Variants in MRPS16 observed in about 807,000 individuals in gnomAD.
The protein encoded by MRPS16 is small ribosomal subunit protein bS16m.
MRPS16 carries 5 observed loss-of-function variants against 11.0 expected under a neutral mutation model. The ratio of observed to expected loss-of-function variants is 0.46; its 90% CI spans 0.24 to 0.96. The LOEUF is 0.96. Among genes scored for constraint, MRPS16 ranks in the 40% least tolerant of loss-of-function variants. The probability of loss-of-function intolerance (pLI) is 0.20; values close to 1 mark genes in which losing one functional copy is unlikely to be tolerated. For missense variants in MRPS16, 179 were observed against 174.4 expected, an observed-to-expected ratio of 1.03 and a Z score of -0.15; for synonymous variants, 76 against 65.0, an observed-to-expected ratio of 1.17 and a Z score of -0.81.
At chr10:73,251,086 C>T (rs1192517889) in intron 2 of MRPS16, 95 bp from the exon 3 acceptor site, 1 of 1,444,438 alleles carries the variant, frequency 6.9e-7, no homozygotes, top group Admixed American at 1.7e-5. Flanking sequence ...GAGATCTGAC[C>T]CAGTGCATGG....
chr10:73,249,431 GA>G lies in MRPS16; in HGVS notation c.*1420del. 9.2e-7 allele frequency: 1 copy of G among 1,084,240 alleles called. No homozygotes were observed. Among genetic ancestry groups the G allele is most frequent in the Non-Finnish European group, 1.3e-6 (1 of 755,232 alleles). The allele number at this position is 1,084,240 out of a possible 1,614,324, so 67.2% of individuals were successfully genotyped here. On this transcript the variant is annotated 3_prime_UTR_variant, in exon 3 of 3. Coordinates refer to ENST00000372945, the MANE Select transcript of MRPS16 (RefSeq NM_016065.4). ...AGATTACTGGCATCAAGGTAGGAAG[GA>G]AAAGATACAAGAAGTAAAATGCAAC...
At position 73,251,948 on chromosome 10, in the gene MRPS16, G is replaced by A. The variant is rs781692834; in HGVS notation, c.89C>T (p.Pro30Leu). 3.7e-6 allele frequency: 6 copies of A among 1,614,058 alleles called. No homozygotes were observed. The highest frequency in any genetic ancestry group is 1.6e-4 in the Middle Eastern group (1 of 6,084). ...RLALGGCTNR[P>L]FYRIVAAHNK... ...GTGAGCAGCCACAATGCGGTAGAACGGCCGATTGGTGCAGCCACCCAGGGC... is the reference window on the plus strand; with the variant it reads ...GTGAGCAGCCACAATGCGGTAGAACAGCCGATTGGTGCAGCCACCCAGGGC... The change falls in exon 2 of 3, where the codon CCG (proline) becomes CTG (leucine). Residue 30 changes from proline to leucine, a missense_variant. Pro to Leu is a moderately conservative substitution (Grantham distance 98). Coordinates refer to ENST00000372945, the MANE Select transcript of MRPS16 (RefSeq NM_016065.4).
intron 1 of MRPS16, 167 bp downstream of exon 1, chr10:73,252,303 C>A (rs1170388099): frequency 8.5e-7 from 1 of 1,182,294 alleles, no homozygotes; most frequent in Non-Finnish European, 1.2e-6. Flanking sequence ...AATTTTTCAG[C>A]GGTGATTAAG....
In MRPS16 at chr10:73,249,424, T is replaced by A; in HGVS notation, c.*1428A>T. On this transcript the variant is annotated 3_prime_UTR_variant, in exon 3 of 3. Coordinates refer to ENST00000372945, the MANE Select transcript of MRPS16 (RefSeq NM_016065.4). ...CCCTTATAGATTACTGGCATCAAGG[T>A]AGGAAGGAAAAGATACAAGAAGTAA... The A allele has an allele frequency of 8.6e-7, 1 of 1,161,468 alleles. No homozygotes were observed. Among genetic ancestry groups the A allele is most frequent in the Non-Finnish European group, 1.2e-6 (1 of 821,168 alleles). The allele number at this position is 1,161,468 out of a possible 1,614,324, so 71.9% of individuals were successfully genotyped here.
intron 1 of MRPS16, 98 bp downstream of exon 1, chr10:73,252,372 G>C: frequency 6.5e-7 from 1 of 1,543,004 alleles, no homozygotes; most frequent in Non-Finnish European, 8.8e-7. Context: ...TCAGGTTCGG[G>C]TTGCCTCCAT....
At chr10:73,252,101 T>C in intron 1 of MRPS16, 78 bp from the exon 2 acceptor site, 1 of 1,542,598 alleles carries the variant, frequency 6.5e-7, no homozygotes, top group Non-Finnish European at 8.8e-7. Flanking sequence ...AATTCCCTTT[T>C]CCCACTGAAA....
chr10:73,251,116 C>T, intron 2 of MRPS16, 125 bp from the exon 3 acceptor site: 7 of 1,114,518 alleles, frequency 6.3e-6, no homozygotes, highest in Non-Finnish European at 9.3e-6. Flanking sequence ...ATGCTCCTCA[C>T]TTGCCAAACT....
In MRPS16 at chr10:73,249,401, C is replaced by T; in HGVS notation, c.*1451G>A. 9 of 1,321,742 alleles carry T rather than the reference C, an allele frequency of 6.8e-6. No homozygotes were observed. Among genetic ancestry groups the T allele is most frequent in the South Asian group, 1.3e-5 (1 of 75,020 alleles). The allele number at this position is 1,321,742 out of a possible 1,614,324, so 81.9% of individuals were successfully genotyped here. On this transcript the variant is annotated 3_prime_UTR_variant, in exon 3 of 3. Transcript: ENST00000372945. ...AAATACATTCAAACTATAAAGATCC[C>T]TTATAGATTACTGGCATCAAGGTAG...
rs916499884 is a variant in MRPS16, at chr10:73,252,625, C to T, written c.-143G>A. Reference sequence around the variant, plus strand: ...CCGCCAAGCGGTACAAGCCCGAAAACCTCGACTCCGGAAGCGGATGATCCG... The same window carrying T: ...CCGCCAAGCGGTACAAGCCCGAAAATCTCGACTCCGGAAGCGGATGATCCG... On this transcript the variant is annotated 5_prime_UTR_variant, in exon 1 of 3. Coordinates refer to ENST00000372945, the MANE Select transcript of MRPS16 (RefSeq NM_016065.4). 12 of 1,225,552 alleles carry T rather than the reference C, an allele frequency of 9.8e-6. No individual in the cohort carries two copies. The East Asian group carries it at 2.8e-4, about 29-fold the overall frequency. The allele number at this position is 1,225,552 out of a possible 1,614,324, so 75.9% of individuals were successfully genotyped here. A position where few individuals can be genotyped will look rare whatever the true frequency, so the allele number is the denominator to read the frequency against.
At chr10:73,252,439 C>A (rs984778749) in intron 1 of MRPS16, 31 bp downstream of exon 1, 7 of 1,609,094 alleles carry the variant, frequency 4.4e-6, no homozygotes, top group Non-Finnish European at 5.1e-6. Context: ...CGTGACCGCC[C>A]GGAACGTCTC....
rs104894168 is a variant in MRPS16, at chr10:73,250,935, G to C, written c.331C>G (p.Arg111Gly). The C allele has an allele frequency of 6.2e-7, 1 of 1,614,084 alleles. No homozygotes were observed. Among genetic ancestry groups the C allele is most frequent in the Non-Finnish European group, 8.5e-7 (1 of 1,180,004 alleles). ...PMMITNAERL[R>G]RKRAREVLLA... Reference sequence around the variant, plus strand: ...AGGACTTCACGTGCCCGTTTCCTTCGCAGTCTCTCAGCATTTGTGATCATC... The same window carrying C: ...AGGACTTCACGTGCCCGTTTCCTTCCCAGTCTCTCAGCATTTGTGATCATC... The change falls in exon 3 of 3, where the codon CGA (arginine) becomes GGA (glycine). Residue 111 changes from arginine (R) to glycine (G), a missense_variant. By Grantham distance (125) the Arg-to-Gly change is moderately radical. Transcript: ENST00000372945.
chr10:73,251,066 A>C, intron 2 of MRPS16, 75 bp from the exon 3 acceptor site: 4 of 1,560,208 alleles, frequency 2.6e-6, no homozygotes, highest in South Asian at 1.1e-5. Flanking sequence ...GTCTCACAGA[A>C]CTGAGGTCTG....
rs1293618271 is a variant in MRPS16, at chr10:73,251,800, G to A, written c.237C>T (p.Cys79=). 9.9e-6 allele frequency: 16 copies of A among 1,614,052 alleles called. No individual in the cohort carries two copies. The highest frequency in any genetic ancestry group is 1.3e-5 in the Non-Finnish European group (15 of 1,180,038). The change falls in exon 2 of 3, where the codon TGC becomes TGT. Residue 79 remains cysteine (C), a synonymous_variant. Transcript: ENST00000372945. ...NLDRIRHWIG[C]GAHLSKPMEK... is the part of the protein sequence containing the mutation. ...CCATAGGCTTAGAGAGGTGGGCCCCGCAGCCAATCCAATGACGGATCCTGT... is the reference window on the plus strand; with the variant it reads ...CCATAGGCTTAGAGAGGTGGGCCCCACAGCCAATCCAATGACGGATCCTGT...
Position 73,249,556 on chromosome 10 carries a change from T to C in MRPS16, c.*1296A>G, listed in dbSNP as rs986764191. On this transcript the variant is annotated 3_prime_UTR_variant, in exon 3 of 3. Coordinates refer to ENST00000372945, the MANE Select transcript of MRPS16 (RefSeq NM_016065.4). ...TAAAATTACCAGCAAGAAAGAAAAG[T>C]ACAAGAATAAGGTTCACAGCTGAAT... 116 of 506,584 alleles carry C rather than the reference T, an allele frequency of 2.3e-4. No individual in the cohort carries two copies. Among genetic ancestry groups the C allele is most frequent in the Non-Finnish European group, 4.6e-5 (13 of 283,612 alleles). The allele number at this position is 506,584 out of a possible 1,614,324, so 31.4% of individuals were successfully genotyped here. A position where few individuals can be genotyped will look rare whatever the true frequency, so the allele number is the denominator to read the frequency against.
Position 73,250,876 on chromosome 10 carries a change from T to C in MRPS16, c.390A>G (p.Thr130=). ...LASQKTDAEA[T]DTEATET is the part of the protein sequence containing the mutation. The stretch of plus-strand genomic sequence containing the variant: ...TTTATGTTTCTGTAGCCTCTGTATC[T>C]GTAGCTTCTGCATCTGTTTTCTGAG... Residue 130 remains threonine (T), a synonymous_variant, in exon 3 of 3, where the codon ACA becomes ACG. Transcript: ENST00000372945. 2 of 1,614,194 alleles carry C rather than the reference T, an allele frequency of 1.2e-6. No individual in the cohort carries two copies. The highest frequency in any genetic ancestry group is 2.2e-5 in the South Asian group (2 of 91,084).
intron 1 of MRPS16, 109 bp downstream of exon 1, chr10:73,252,361 T>G: frequency 1.3e-6 from 2 of 1,482,988 alleles, no homozygotes; most frequent in South Asian, 2.3e-5. Context: ...GTGTGGCTGC[T>G]TCAGGTTCGG....
rs562399339 is a variant in MRPS16 at position 73,251,671 on chromosome 10, G to A, written c.274+92C>T. On this transcript the variant is annotated intron_variant, in intron 2 of 2. Transcript: ENST00000372945. ...GCTGAGATTACAGGCGTGAGCCACC[G>A]TGCCCAGCCGAAAATCATTCTTACA... The A allele has an allele frequency of 3.5e-4, 555 of 1,572,688 alleles. 1 individual carries two copies. The highest frequency in any genetic ancestry group is 4.6e-4 in the Non-Finnish European group (532 of 1,149,146).
rs1266613233 is a variant in MRPS16, at chr10:73,250,828, C to T, written c.*24G>A. On this transcript the variant is annotated 3_prime_UTR_variant, in exon 3 of 3. Coordinates refer to ENST00000372945, the MANE Select transcript of MRPS16 (RefSeq NM_016065.4). ...AAGGACCTTGACCTTGTTCCCACTG[C>T]TATGCTCACTAAAGTCAGCTCATTT... 6.2e-7 allele frequency: 1 copy of T among 1,612,544 alleles called. No homozygotes were observed. Among genetic ancestry groups the T allele is most frequent in the South Asian group, 1.1e-5 (1 of 91,042 alleles).
Position 73,251,895 on chromosome 10 carries a change from C to A in MRPS16, c.142G>T (p.Val48Leu), listed in dbSNP as rs1184159095. Residue 48 changes from valine (V) to leucine (L), a missense_variant, in exon 2 of 3, where the codon GTA becomes TTA. Transcript: ENST00000372945. ...HNKCPRDGRF[V>L]EQLGSYDPLP... Reference sequence around the variant, plus strand: ...GGATCATAGGAGCCCAGCTGCTCTACGAAACGGCCATCCCTGGGACACTTG... The same window carrying A: ...GGATCATAGGAGCCCAGCTGCTCTAAGAAACGGCCATCCCTGGGACACTTG... The A allele has an allele frequency of 1.9e-6, 3 of 1,614,078 alleles. No homozygotes were observed. Among genetic ancestry groups the A allele is most frequent in the East Asian group, 4.5e-5 (2 of 44,884 alleles).
Sources: allele counts gnomAD v4.1 joint callset, GRCh38; gene constraint gnomAD v4.1.1; transcripts MANE v1.5; gene names NCBI Gene and HGNC (gene_info 2026-07-23, HGNC 2026-07-21).